MROH1: variants seen among roughly 807,000 people sequenced by gnomAD.
MROH1 encodes the protein maestro heat-like repeat-containing protein family member 1.
A neutral mutation model predicts 116.5 loss-of-function variants in MROH1; 117 were observed. That is an observed-to-expected ratio of 1.00 (90% CI 0.86 to 1.17). MROH1 has a LOEUF of 1.17. MROH1 is among the 50% of genes most tolerant of loss of function. The pLI is 0.00. For synonymous variants in MROH1, 921 were observed against 583.9 expected (o/e 1.58, Z -8.32); for missense variants, 1,873 against 1,338.5 (o/e 1.40, Z -6.23).
At chr8:144,227,646 C>A (rs1199223675) in intron 14 of MROH1, among the ~76,000 whole-genome samples, 1 of 149,342 alleles carries the variant, frequency 6.7e-6, no homozygotes, top group Non-Finnish European at 1.5e-5. Context: ...CCCTGTCACA[C>A]ACACACAAAA....
chr8:144,204,903 G>A (rs1205633462), intron 12 of MROH1, among the ~76,000 whole-genome samples: 1 of 152,166 alleles, frequency 6.6e-6, no homozygotes, highest in East Asian at 1.9e-4. Flanking sequence ...GGGTTATAAA[G>A]TATGTATGTG....
chr8:144,248,814 C>G, intron 31 of MROH1, 63 bp from the exon 32 acceptor site: 1 of 755,770 alleles, frequency 1.3e-6, no homozygotes, highest in South Asian at 1.4e-5. Context: ...GACCCGATGC[C>G]TAACAGAAGT....
chr8:144,240,958 T>G, intron 20 of MROH1, 34 bp from the exon 21 acceptor site: 1 of 723,178 alleles, frequency 1.4e-6, no homozygotes, highest in Non-Finnish European at 2.6e-6. Context: ...TACTCAGGAG[T>G]CAGGCAGAGC....
chr8:144,164,149 A>T (rs7016190), intron 3 of MROH1, among the ~76,000 whole-genome samples: 6,821 of 149,880 alleles, frequency 0.046, 508 homozygotes, highest in African/African-American at 0.16. Flanking sequence ...TCACGCCTGT[A>T]ATCCCAGCAC....
At chr8:144,157,122 A>AT (rs1286375519) in intron 1 of MROH1, among the ~76,000 whole-genome samples, 2 of 151,942 alleles carry the variant, frequency 1.3e-5, no homozygotes, top group Non-Finnish European at 2.9e-5. Context: ...CGTCCAGCTA[A>AT]TTTTTTTGTA....
chr8:144,227,742 G>T (rs1838068788), intron 14 of MROH1, among the ~76,000 whole-genome samples: 1 of 152,148 alleles, frequency 6.6e-6, no homozygotes, highest in Non-Finnish European at 1.5e-5. Context: ...TTGAGCCTGG[G>T]AGTTTGAGAC....
intron 4 of MROH1, among the ~76,000 whole-genome samples, chr8:144,176,372 C>CAAA (rs61508054): frequency 1.4e-5 from 2 of 139,754 alleles, no homozygotes; most frequent in Admixed American, 7.2e-5. Flanking sequence ...GACTGCATCT[C>CAAA]AAAAAAAAAA....
At position 144,192,421 on chromosome 8, in the gene MROH1, G is replaced by T; in HGVS notation, c.948+20G>T. The T allele has an allele frequency of 6.4e-7, 1 of 1,563,042 alleles. No homozygotes were observed. The highest frequency in any genetic ancestry group is 8.6e-7 in the Non-Finnish European group (1 of 1,158,998). On this transcript the variant is annotated intron_variant, in intron 10 of 43. Coordinates refer to ENST00000326134, the MANE Select transcript of MROH1 (RefSeq NM_032450.3). ...TCCCAGGTAGGAGGCGGGCGTCAGG[G>T]GGCGGGTCCAGGTTCTGCACACCCT...
At chr8:144,259,047 T>TGC in intron 36 of MROH1, 133 bp downstream of exon 36, 2 of 643,812 alleles carry the variant, frequency 3.1e-6, no homozygotes, top group Non-Finnish European at 5.7e-6. Context: ...GCCTGTTCAC[T>TGC]CTCTGGGGCA....
chr8:144,153,936 A>G (rs1471028979), intron 1 of MROH1, among the ~76,000 whole-genome samples: 4 of 151,896 alleles, frequency 2.6e-5, no homozygotes, highest in African/African-American at 9.7e-5. Flanking sequence ...AATATTTTGT[A>G]TTTTTAGTAG....
At chr8:144,199,256 T>C (rs7464776) in intron 11 of MROH1, 56 bp downstream of exon 11, 1,548,815 of 1,552,088 alleles carry the variant, frequency 1, 772,822 homozygotes, top group East Asian at 1. Context: ...ACAGGGTCAC[T>C]GCCTGCTGTA....
intron 34 of MROH1, 46 bp downstream of exon 34, chr8:144,255,024 G>A (rs1396399096): frequency 8.6e-5 from 61 of 706,694 alleles, no homozygotes; most frequent in Non-Finnish European, 1.1e-4. Context: ...TCCCTGCCCC[G>A]CTTGCCTGGG....
At position 144,238,771 on chromosome 8, in the gene MROH1, C is replaced by G. The variant is rs2132845487; in HGVS notation, c.1354C>G (p.Pro452Ala). The G allele has an allele frequency of 1.3e-6, 1 of 773,170 alleles. No homozygotes were observed. Among genetic ancestry groups the G allele is most frequent in the East Asian group, 2.4e-5 (1 of 41,248 alleles). 47.9% of individuals were successfully genotyped at this position (773,170 alleles called of 1,614,324 possible). A position where few individuals can be genotyped will look rare whatever the true frequency, so the allele number is the denominator to read the frequency against. Residue 452 changes from proline to alanine, a missense_variant, in exon 15 of 44, where the codon CCC (proline) becomes GCC (alanine). Transcript: ENST00000326134. ...PPEQEPEKPG[P>A]GSKDPKADSV... ...CTTCCTCCAGCCTGAGAAGCCAGGCCCCGGCAGCAAGGACCCCAAGGCCGA... is the reference window on the plus strand; with the variant it reads ...CTTCCTCCAGCCTGAGAAGCCAGGCGCCGGCAGCAAGGACCCCAAGGCCGA...
intron 14 of MROH1, among the ~76,000 whole-genome samples, chr8:144,235,702 A>G (rs977090048): frequency 1.2e-3 from 189 of 152,340 alleles, no homozygotes; most frequent in African/African-American, 4.2e-3. Flanking sequence ...CATGGTGTAT[A>G]ATCGTTTTTA....
chr8:144,191,866 G>A lies in MROH1; in HGVS notation c.855+11G>A. On this transcript the variant is annotated intron_variant, in intron 9 of 43. Coordinates refer to ENST00000326134, the MANE Select transcript of MROH1 (RefSeq NM_032450.3). ...TTCTACTTGTCCAAGGTATCTGCAGGCAGGGCAGGTCTACTGTCCCCGAGG... is the reference window on the plus strand; with the variant it reads ...TTCTACTTGTCCAAGGTATCTGCAGACAGGGCAGGTCTACTGTCCCCGAGG... 6.2e-7 allele frequency: 1 copy of A among 1,612,970 alleles called. No homozygotes were observed. The highest frequency in any genetic ancestry group is 8.5e-7 in the Non-Finnish European group (1 of 1,179,820).
chr8:144,187,721 C>A (rs1588013376), intron 7 of MROH1, among the ~76,000 whole-genome samples: 1 of 152,278 alleles, frequency 6.6e-6, no homozygotes, highest in East Asian at 1.9e-4. Flanking sequence ...CCTGGAGGTG[C>A]TGGTGACCCT....
chr8:144,257,398 A>G (rs1347164677), intron 35 of MROH1, among the ~76,000 whole-genome samples: 1 of 152,110 alleles, frequency 6.6e-6, no homozygotes, highest in Non-Finnish European at 1.5e-5. Flanking sequence ...TACTGGGAGC[A>G]GGCCCCCAGC....
chr8:144,183,701 CA>C (rs1408300577), intron 7 of MROH1, among the ~76,000 whole-genome samples: 1 of 151,592 alleles, frequency 6.6e-6, no homozygotes, highest in Non-Finnish European at 1.5e-5. Flanking sequence ...GGCTGGAGTG[CA>C]GTGGCGCGAT....
chr8:144,226,677 T>G (rs1164634960), intron 14 of MROH1, among the ~76,000 whole-genome samples: 1 of 152,150 alleles, frequency 6.6e-6, no homozygotes, highest in East Asian at 1.9e-4. Flanking sequence ...GGTCTCAAAC[T>G]CCTGGCCTGA....
Sources: gnomAD v4.1 joint callset for allele counts (sites outside exome capture counted in the v4.1 genomes callset) on GRCh38, gnomAD v4.1.1 for gene constraint, MANE v1.5 for transcripts, NCBI Gene and HGNC (gene_info 2026-07-23, HGNC 2026-07-21) for gene names.